The following ABCA12 variants were observed in gnomAD, a reference collection of about 807,000 sequenced individuals.
ABCA12 encodes the protein ATP binding cassette subfamily A member 12, also known as glucosylceramide transporter ABCA12.
In ABCA12, 156 loss-of-function variants were observed where a neutral mutation model predicts 293.5. That is an observed-to-expected ratio of 0.53 (90% CI 0.47 to 0.61). ABCA12 has a LOEUF of 0.61. ABCA12 is among the 20% of genes least tolerant of loss of function. ABCA12 has a pLI of 0.00. For missense variants in ABCA12, 2,797 were observed against 3,090.2 expected, an observed-to-expected ratio of 0.91 and a Z score of 2.25; for synonymous variants, 1,063 against 1,108.0, an observed-to-expected ratio of 0.96 and a Z score of 0.81.
Position 214,948,612 on chromosome 2 carries a change from T to C in ABCA12, c.7088A>G (p.Glu2363Gly). The C allele has an allele frequency of 6.2e-7, 1 of 1,614,066 alleles. No individual in the cohort carries two copies. The change falls in exon 47 of 53, where the codon GAA becomes GGA. Residue 2363 changes from glutamate to glycine, a missense_variant. Physicochemically the swap from Glu to Gly is moderately conservative, Grantham distance 98 (BLOSUM62 -2). Around this residue, in one of 3 missense-constraint regions of ABCA12, gnomAD observed 2,130 missense variants for 2,427.0 expected, o/e 0.88. Coordinates refer to ENST00000272895, the MANE Select transcript of ABCA12 (RefSeq NM_173076.3). ...TGTACTCACTTCTTTAATATCCTTT[T>C]CTGGAATTCCATGTACCCTGGCATA... ...YFYARVHGIP[E>G]KDIKETVHKL...
intron 3 of ABCA12, among the ~76,000 whole-genome samples, chr2:215,057,010 T>C (rs1280455745): frequency 6.6e-6 from 1 of 152,090 alleles, no homozygotes; most frequent in Non-Finnish European, 1.5e-5. Flanking sequence ...ACTTTTTCTA[T>C]TTCAGCTGTG....
intron 3 of ABCA12, among the ~76,000 whole-genome samples, chr2:215,060,178 T>A (rs1485253144): frequency 6.6e-6 from 1 of 152,066 alleles, no homozygotes; most frequent in Non-Finnish European, 1.5e-5. Context: ...ATTCATTACA[T>A]TTACCATGTT....
intron 11 of ABCA12, 31 bp from the exon 12 acceptor site, chr2:215,019,827 G>C: frequency 1.2e-6 from 2 of 1,602,900 alleles, no homozygotes; most frequent in Non-Finnish European, 1.7e-6. Context: ...GTGGGAAATA[G>C]ATTAGTTACA....
chr2:214,947,724 C>A, intron 47 of ABCA12, 168 bp from the exon 48 acceptor site: 3 of 787,070 alleles, frequency 3.8e-6, no homozygotes, highest in Non-Finnish European at 6.0e-6. Flanking sequence ...TTCAAAGAAT[C>A]ACTTAAGGAT....
intron 9 of ABCA12, among the ~76,000 whole-genome samples, chr2:215,028,138 T>A (rs141454858): frequency 6.6e-6 from 1 of 152,220 alleles, no homozygotes; most frequent in Non-Finnish European, 1.5e-5. Context: ...AACTGTACAA[T>A]ACACAAATTA....
At chr2:215,003,268 G>A (rs998416111) in intron 20 of ABCA12, among the ~76,000 whole-genome samples, 7 of 152,268 alleles carry the variant, frequency 4.6e-5, no homozygotes, top group Non-Finnish European at 8.8e-5. Flanking sequence ...TAGATGTCTT[G>A]CATCCCTTAG....
In ABCA12 at chr2:214,978,884, AC is replaced by A; in HGVS notation, c.4896del (p.Ser1633HisfsTer30). The A allele has an allele frequency of 1.2e-6, 2 of 1,614,076 alleles. No homozygotes were observed. Among genetic ancestry groups the A allele is most frequent in the Non-Finnish European group, 1.7e-6 (2 of 1,179,966 alleles). Reference protein sequence around the residue: ...PFSTKVSGAYLSLLRALDNGM... With the variant: ...PFSTKVSGAYXSLLRALDNGM... The stretch of plus-strand genomic sequence containing the variant: ...CCATTGTCGAGTGCCCGTAGGAGTG[AC>A]AGGTAGGCCCCTGAGACTTTGGTGC... On this transcript the variant is annotated frameshift_variant, in exon 32 of 53. Coordinates refer to ENST00000272895, the MANE Select transcript of ABCA12 (RefSeq NM_173076.3). LOFTEE classifies it high-confidence loss of function.
chr2:214,987,927 G>T, intron 26 of ABCA12, 134 bp from the exon 27 acceptor site: 3 of 1,180,184 alleles, frequency 2.5e-6, no homozygotes, highest in East Asian at 2.6e-5. Flanking sequence ...ACTAAAAGGT[G>T]GTCTCAGTTT....
chr2:215,076,264 G>A (rs1053208267), intron 2 of ABCA12, among the ~76,000 whole-genome samples: 1 of 151,892 alleles, frequency 6.6e-6, no homozygotes, highest in Non-Finnish European at 1.5e-5. Context: ...CTCTCTCTTC[G>A]CAGATCCATT....
intron 21 of ABCA12, 87 bp from the exon 22 acceptor site, chr2:215,001,107 A>G: frequency 7.6e-7 from 1 of 1,322,942 alleles, no homozygotes; most frequent in Admixed American, 1.9e-5. Context: ...GGGGACAGCC[A>G]AACAGTCAAT....
At chr2:214,960,407 C>G (rs1425077564) in intron 39 of ABCA12, 2 of 151,958 alleles carry the variant, frequency 1.3e-5, no homozygotes, top group African/African-American at 4.8e-5. Context: ...AAGAAATACT[C>G]TATTTCACCA....
chr2:215,007,671 T>G, intron 19 of ABCA12, 56 bp downstream of exon 19: 1 of 1,609,310 alleles, frequency 6.2e-7, no homozygotes, highest in Non-Finnish European at 8.5e-7. Flanking sequence ...TGAAGGCAAT[T>G]AAAATCTCAA....
chr2:214,977,899 T>G (rs1699556279), intron 33 of ABCA12, among the ~76,000 whole-genome samples: 1 of 151,442 alleles, frequency 6.6e-6, no homozygotes, highest in African/African-American at 2.4e-5. Context: ...TTTTTTCCTT[T>G]TTTTTATGAC....
Position 214,948,616 on chromosome 2 carries a change from G to A in ABCA12, c.7084C>T (p.Pro2362Ser), listed in dbSNP as rs756459582. Reference protein sequence around the residue: ...LYFYARVHGIPEKDIKETVHK... With the variant: ...LYFYARVHGISEKDIKETVHK... ...CTCACTTCTTTAATATCCTTTTCTG[G>A]AATTCCATGTACCCTGGCATAGAAA... Residue 2362 changes from proline to serine, a missense_variant, in exon 47 of 53, where the codon CCA becomes TCA. This residue lies in a region of ABCA12 where 2,130 missense variants were observed against 2,427.0 expected (regional missense o/e 0.88). Transcript: ENST00000272895. The A allele has an allele frequency of 5.0e-6, 8 of 1,613,730 alleles. No homozygotes were observed. The Admixed American group carries it at 1.2e-4, about 24-fold the overall frequency.
At chr2:215,129,184 T>C (rs1702996210) in intron 1 of ABCA12, among the ~76,000 whole-genome samples, 1 of 152,172 alleles carries the variant, frequency 6.6e-6, no homozygotes, top group Admixed American at 6.6e-5. Context: ...ACCAGTGCCT[T>C]CAGCTTCTCC....
At chr2:215,104,441 A>G (rs1375510108) in intron 2 of ABCA12, among the ~76,000 whole-genome samples, 13 of 152,156 alleles carry the variant, frequency 8.5e-5, no homozygotes, top group Non-Finnish European at 1.3e-4. Flanking sequence ...GGGGAGATGG[A>G]CCACTGCCAG....
chr2:215,051,983 C>A (rs754426042), intron 5 of ABCA12, among the ~76,000 whole-genome samples: 8 of 152,034 alleles, frequency 5.3e-5, no homozygotes, highest in Non-Finnish European at 1.0e-4. Flanking sequence ...TGTTCATTAT[C>A]TTGCAATCTG....
At chr2:215,129,813 G>A (rs1166395748) in intron 1 of ABCA12, among the ~76,000 whole-genome samples, 1 of 152,122 alleles carries the variant, frequency 6.6e-6, no homozygotes, top group Non-Finnish European at 1.5e-5. Flanking sequence ...CTAGGCTAAT[G>A]TCCAGAAAAG....
At position 214,966,853 on chromosome 2, in the gene ABCA12, C is replaced by T. The variant is rs1232138603; in HGVS notation, c.5879G>A (p.Arg1960Gln). 2.5e-6 allele frequency: 4 copies of T among 1,613,446 alleles called. No homozygotes were observed. In the African/African-American group the frequency reaches 4.0e-5, roughly 16 times the overall value. The change falls in exon 39 of 53, where the codon CGA (arginine) becomes CAA (glutamine). Residue 1960 changes from arginine to glutamine, a missense_variant. Physicochemically the swap from Arg to Gln is conservative, Grantham distance 43. Transcript: ENST00000272895. ...RVNMSKYDAA[R>Q]HGIIMYSHPY... ...TTTTGTGTTAGTAACTTTACCATGT[C>T]GGGCAGCATCGTATTTTGACATGTT...
Sources: allele counts gnomAD v4.1 joint callset (sites outside exome capture counted in the v4.1 genomes callset), GRCh38; gene constraint gnomAD v4.1.1; regional missense constraint gnomAD v4.1.1; transcripts MANE v1.5; gene names NCBI Gene and HGNC (gene_info 2026-07-23, HGNC 2026-07-21).